Variants in WWTR1 observed in about 807,000 individuals in gnomAD.
WWTR1 encodes WW domain containing transcription regulator 1, also known as WW domain-containing transcription regulator protein 1.
WWTR1 carries 13 observed loss-of-function variants against 40.1 expected under a neutral mutation model. That is an observed-to-expected ratio of 0.32 (90% CI 0.21 to 0.52). The LOEUF (loss-of-function observed/expected upper bound fraction) is 0.52, where lower values mean the gene tolerates loss of function less well. Ranked by LOEUF, WWTR1 falls within the 20% of genes least tolerant of loss-of-function variation. WWTR1 has a pLI of 0.97. For synonymous variants in WWTR1, 230 were observed against 210.1 expected (o/e 1.09, Z -0.82); for missense variants, 436 against 523.1 (o/e 0.83, Z 1.63).
chr3:149,696,068 A>G (rs1576644457), intron 1 of WWTR1, among the ~76,000 whole-genome samples: 3 of 137,404 alleles, frequency 2.2e-5, no homozygotes, highest in African/African-American at 5.6e-5. Flanking sequence ...AGCCGAGATC[A>G]CGCCACTGCA....
intron 2 of WWTR1, among the ~76,000 whole-genome samples, chr3:149,580,428 AAGCCCATTGCAGTGGG>A (rs1238106125): frequency 6.6e-6 from 1 of 152,128 alleles, no homozygotes; most frequent in Non-Finnish European, 1.5e-5. Flanking sequence ...AGCACAGTGG[AAGCCCATTGCAGTGGG>A]AGCCCATTGC....
chr3:149,722,215 C>G (rs1715771871), intron 4 of WWTR1, among the ~76,000 whole-genome samples: 1 of 151,828 alleles, frequency 6.6e-6, no homozygotes. Context: ...TTATTTTCCT[C>G]TATTCTTCTT....
chr3:149,709,776 T>C (rs1386604157), intron 5 of WWTR1, among the ~76,000 whole-genome samples: 2 of 152,038 alleles, frequency 1.3e-5, no homozygotes, highest in East Asian at 3.9e-4. Flanking sequence ...TGGTGGAACA[T>C]GCCTGTGATC....
chr3:149,605,591 C>T (rs973984993), intron 2 of WWTR1, among the ~76,000 whole-genome samples: 2 of 152,018 alleles, frequency 1.3e-5, no homozygotes, highest in African/African-American at 2.4e-5. Context: ...GTGACTGTGG[C>T]GCATGCAAGT....
chr3:149,637,940 G>A (rs542980564), intron 2 of WWTR1, among the ~76,000 whole-genome samples: 26 of 152,200 alleles, frequency 1.7e-4, no homozygotes, highest in Non-Finnish European at 3.4e-4. Flanking sequence ...GTGGCAACCA[G>A]GCACGGTGGC....
chr3:149,603,253 C>T (rs918691206), intron 2 of WWTR1, among the ~76,000 whole-genome samples: 1 of 151,974 alleles, frequency 6.6e-6, no homozygotes, highest in Non-Finnish European at 1.5e-5. Flanking sequence ...AATCAAGGAA[C>T]CAGATTCTAT....
intron 4 of WWTR1, 76 bp from the exon 5 acceptor site, chr3:149,528,045 A>C (rs1444507895): frequency 6.6e-7 from 1 of 1,526,636 alleles, no homozygotes; most frequent in Non-Finnish European, 8.8e-7. Context: ...TCACATCAAA[A>C]CTTTTCACCA....
At chr3:149,568,606 T>C (rs1737466303) in intron 3 of WWTR1, among the ~76,000 whole-genome samples, 4 of 149,900 alleles carry the variant, frequency 2.7e-5, no homozygotes, top group Non-Finnish European at 5.9e-5. Flanking sequence ...TCATTTTACT[T>C]AGACTCAGTG....
At chr3:149,523,513 G>A (rs1186104157) in intron 6 of WWTR1, among the ~76,000 whole-genome samples, 1 of 152,198 alleles carries the variant, frequency 6.6e-6, no homozygotes, top group Non-Finnish European at 1.5e-5. Flanking sequence ...CTACCAAAGT[G>A]CTGGGATTAC....
chr3:149,580,008 G>T (rs1303435779), intron 2 of WWTR1, among the ~76,000 whole-genome samples: 1 of 152,164 alleles, frequency 6.6e-6, no homozygotes, highest in African/African-American at 2.4e-5. Flanking sequence ...TTTTAATCCT[G>T]TACCAGATGG....
At chr3:149,616,477 T>C (rs1334153772) in intron 2 of WWTR1, among the ~76,000 whole-genome samples, 1 of 151,802 alleles carries the variant, frequency 6.6e-6, no homozygotes, top group Non-Finnish European at 1.5e-5. Flanking sequence ...AGTTTCACTC[T>C]TGTTGCCCAG....
At chr3:149,547,317 G>A (rs1486746253) in intron 3 of WWTR1, among the ~76,000 whole-genome samples, 2 of 151,390 alleles carry the variant, frequency 1.3e-5, no homozygotes, top group Non-Finnish European at 2.9e-5. Flanking sequence ...CTGAGGTCAG[G>A]AGTTCGAGAC....
chr3:149,553,476 TTTA>T (rs1175535130), intron 3 of WWTR1, among the ~76,000 whole-genome samples: 1 of 152,186 alleles, frequency 6.6e-6, no homozygotes, highest in Non-Finnish European at 1.5e-5. Context: ...GTGACCTCAC[TTTA>T]TAGAAATGGT....
At chr3:149,523,730 G>A (rs549175994) in intron 6 of WWTR1, among the ~76,000 whole-genome samples, 11 of 152,286 alleles carry the variant, frequency 7.2e-5, no homozygotes, top group East Asian at 1.9e-4. Context: ...TGTGGCCAGC[G>A]CGTGGTCCAC....
At chr3:149,587,312 T>C (rs1308432136) in intron 2 of WWTR1, among the ~76,000 whole-genome samples, 1 of 152,110 alleles carries the variant, frequency 6.6e-6, no homozygotes, top group Non-Finnish European at 1.5e-5. Flanking sequence ...GAAAAAAGTT[T>C]GATTTTTTTT....
intron 2 of WWTR1, among the ~76,000 whole-genome samples, chr3:149,611,212 A>G (rs936915976): frequency 2.0e-5 from 3 of 152,296 alleles, no homozygotes; most frequent in Admixed American, 1.3e-4. Flanking sequence ...GGCCACTAAC[A>G]TGCAGGTTAA....
chr3:149,557,771 G>A (rs2107967989), intron 3 of WWTR1, among the ~76,000 whole-genome samples: 1 of 152,192 alleles, frequency 6.6e-6, no homozygotes, highest in East Asian at 1.9e-4. Context: ...GGGAGGCTGA[G>A]GCGGGAGGAT....
In WWTR1 at chr3:149,520,826, C is replaced by T; in HGVS notation, c.1182G>A (p.Glu394=). 6.2e-7 allele frequency: 1 copy of T among 1,600,592 alleles called. No individual in the cohort carries two copies. Among genetic ancestry groups the T allele is most frequent in the Non-Finnish European group, 8.5e-7 (1 of 1,175,150 alleles). Reference sequence around the variant, plus strand: ...GTGATTACAGCCAGGTTAGAAAGGGCTCACTTTTGTTCAGAGCAGACTCTA... The same window carrying T: ...GTGATTACAGCCAGGTTAGAAAGGGTTCACTTTTGTTCAGAGCAGACTCTA... ...NDVESALNKS[E]PFLTWL Residue 394 remains glutamate (E), a synonymous_variant, in exon 7 of 7, where the codon GAG becomes GAA. Coordinates refer to ENST00000360632, the MANE Select transcript of WWTR1 (RefSeq NM_015472.6).
At chr3:149,555,916 G>A (rs1264415702) in intron 3 of WWTR1, among the ~76,000 whole-genome samples, 1 of 152,206 alleles carries the variant, frequency 6.6e-6, no homozygotes, top group Non-Finnish European at 1.5e-5. Context: ...GCTATTTTAG[G>A]CAGGGAAGTT....
Sources: allele counts gnomAD v4.1 joint callset (sites outside exome capture counted in the v4.1 genomes callset), GRCh38; gene constraint gnomAD v4.1.1; transcripts MANE v1.5; gene names NCBI Gene and HGNC (gene_info 2026-07-23, HGNC 2026-07-21).